SPPL2A: variants seen among roughly 807,000 people sequenced by gnomAD.
The protein encoded by SPPL2A is signal peptide peptidase like 2A.
Under a neutral mutation model 63.8 loss-of-function variants are expected in SPPL2A, and 51 were observed. The observed-to-expected ratio is 0.80, with a 90% CI of 0.64 to 1.01. The LOEUF (loss-of-function observed/expected upper bound fraction) is 1.01. SPPL2A is among the 50% of genes least tolerant of loss of function. The pLI, the probability that SPPL2A is intolerant of heterozygous loss-of-function variation, is 0.00. For synonymous variants in SPPL2A, 188 were observed against 205.8 expected (o/e 0.91, Z 0.74); for missense variants, 553 against 622.7 (o/e 0.89, Z 1.19).
At chr15:50,737,468 T>G (rs1007932159) in intron 6 of SPPL2A, among the ~76,000 whole-genome samples, 1 of 152,166 alleles carries the variant, frequency 6.6e-6, no homozygotes, top group African/African-American at 2.4e-5. Context: ...GAGTTTTTTT[T>G]TTGAGATGGA....
chr15:50,762,758 A>G (rs1427649571), intron 1 of SPPL2A, among the ~76,000 whole-genome samples: 2 of 137,206 alleles, frequency 1.5e-5, no homozygotes, highest in Non-Finnish European at 1.6e-5. Context: ...TTTGAGATGG[A>G]GTCTCGCTCT....
intron 13 of SPPL2A, among the ~76,000 whole-genome samples, chr15:50,721,170 A>C (rs2062643410): frequency 6.6e-6 from 1 of 151,978 alleles, no homozygotes; most frequent in Non-Finnish European, 1.5e-5. Context: ...AGTAGCTGGG[A>C]ATACAGGTGT....
chr15:50,749,819 A>G, intron 1 of SPPL2A, 73 bp from the exon 2 acceptor site: 1 of 873,798 alleles, frequency 1.1e-6, no homozygotes, highest in Non-Finnish European at 2.0e-6. Flanking sequence ...TAATAAAGCT[A>G]TTTATATGCA....
chr15:50,706,590 C>T lies in SPPL2A; in HGVS notation c.*1210G>A, dbSNP rs2062511520. 1 of 151,172 alleles carries T rather than the reference C, an allele frequency of 6.6e-6. No individual in the cohort carries two copies. The highest frequency in any genetic ancestry group is 1.5e-5 in the Non-Finnish European group (1 of 67,844). The allele number at this position is 151,172 out of a possible 1,614,324, so 9.4% of individuals were successfully genotyped here. On this transcript the variant is annotated 3_prime_UTR_variant, in exon 15 of 15. Transcript: ENST00000261854. ...CATTACCTATGGGAAAAGGGGTGGG[C>T]ATCAGGAAGAAAAAAAGATAACGGG... is the stretch of plus-strand genomic sequence containing the variant.
At chr15:50,710,846 T>G (rs2062550496) in intron 14 of SPPL2A, among the ~76,000 whole-genome samples, 1 of 152,200 alleles carries the variant, frequency 6.6e-6, no homozygotes, top group Non-Finnish European at 1.5e-5. Context: ...GTTTACTGGG[T>G]ATCACAAACT....
At position 50,749,436 on chromosome 15, in the gene SPPL2A, T is replaced by C. The variant is rs184089705; in HGVS notation, c.177+200A>G. 2.8e-3 allele frequency among the ~76,000 whole-genome samples: 428 copies of C among 152,158 alleles called. 2 individuals are homozygous for C. Among genetic ancestry groups the C allele is most frequent in the African/African-American group, 5.8e-3 (242 of 41,530 alleles). On this transcript the variant is annotated intron_variant, in intron 2 of 14. Coordinates refer to ENST00000261854, the MANE Select transcript of SPPL2A (RefSeq NM_032802.4). ...CTGAGTAGCTGGGACTACAGGCGCC[T>C]GCCACCACACCCAGCTAATTTTTGT... is the stretch of plus-strand genomic sequence containing the variant.
intron 1 of SPPL2A, among the ~76,000 whole-genome samples, chr15:50,756,757 G>A (rs1359353178): frequency 6.6e-6 from 1 of 152,004 alleles, no homozygotes; most frequent in Non-Finnish European, 1.5e-5. Flanking sequence ...AAGGGATTTA[G>A]AAATAACATA....
At chr15:50,729,183 C>T (rs1320439246) in intron 10 of SPPL2A, among the ~76,000 whole-genome samples, 1 of 152,176 alleles carries the variant, frequency 6.6e-6, no homozygotes, top group Non-Finnish European at 1.5e-5. Context: ...GAACTCCTGA[C>T]CTCAAGTGAT....
chr15:50,736,002 T>C (rs1596387155), intron 8 of SPPL2A, 99 bp downstream of exon 8: 3 of 740,244 alleles, frequency 4.1e-6, no homozygotes, highest in East Asian at 5.2e-5. Context: ...TGTTCTGGCA[T>C]AGAAGCAAAA....
intron 1 of SPPL2A, among the ~76,000 whole-genome samples, chr15:50,760,429 T>C (rs1438420256): frequency 6.6e-6 from 1 of 152,098 alleles, no homozygotes; most frequent in Non-Finnish European, 1.5e-5. Context: ...CCCAGCTAAT[T>C]TGTGTATTTT....
chr15:50,714,759 A>G (rs1427327805), intron 14 of SPPL2A, among the ~76,000 whole-genome samples: 1 of 151,848 alleles, frequency 6.6e-6, no homozygotes, highest in Non-Finnish European at 1.5e-5. Context: ...CCTGGCTAAC[A>G]TGGCGAAATA....
rs1253832619 is a variant in SPPL2A, at chr15:50,703,246, T to C, written c.*4554A>G. The stretch of plus-strand genomic sequence containing the variant: ...CATTCAATTGTAGACTGAAGTACAG[T>C]TTTTGTTTTTGAAATTTCATTGGTT... On this transcript the variant is annotated 3_prime_UTR_variant, in exon 15 of 15. Transcript: ENST00000261854. 6.7e-6 allele frequency: 1 copy of C among 148,862 alleles called. No individual in the cohort carries two copies. Among genetic ancestry groups the C allele is most frequent in the Non-Finnish European group, 1.5e-5 (1 of 67,456 alleles). 9.2% of individuals were successfully genotyped at this position (148,862 alleles called of 1,614,324 possible). A position where few individuals can be genotyped will look rare whatever the true frequency, so the allele number is the denominator to read the frequency against.
chr15:50,759,418 T>A (rs1364763933), intron 1 of SPPL2A, among the ~76,000 whole-genome samples: 2 of 152,066 alleles, frequency 1.3e-5, no homozygotes, highest in African/African-American at 4.8e-5. Context: ...CTGTCTCTAT[T>A]AAAACATATA....
chr15:50,765,413 T>C, intron 1 of SPPL2A, 55 bp downstream of exon 1: 1 of 1,402,196 alleles, frequency 7.1e-7, no homozygotes, highest in Non-Finnish European at 9.5e-7. Flanking sequence ...GCCCCGGCCT[T>C]GGCCCCGGCC....
chr15:50,725,239 CA>C lies in SPPL2A; in HGVS notation c.1230del (p.Phe410LeufsTer10). The C allele has an allele frequency of 1.3e-6, 2 of 1,593,460 alleles. No individual in the cohort carries two copies. Among genetic ancestry groups the C allele is most frequent in the South Asian group, 1.1e-5 (1 of 88,076 alleles). ...VCLMPVSILG[F>X]GDIIVPGLLI... ...TGCTTACCTGGTACAATAATGTCTC[CA>C]AAACCCAATATTGAAACAGGCATGA... is the stretch of plus-strand genomic sequence containing the variant. On this transcript the variant is annotated frameshift_variant, in exon 12 of 15. Coordinates refer to ENST00000261854, the MANE Select transcript of SPPL2A (RefSeq NM_032802.4). LOFTEE classifies it high-confidence loss of function.
chr15:50,764,383 A>G (rs2063039835), intron 1 of SPPL2A: 1 of 152,186 alleles, frequency 6.6e-6, no homozygotes, highest in South Asian at 2.1e-4. Context: ...TTTTAGATAC[A>G]TTCTCTCAGG....
chr15:50,739,731 C>A lies in SPPL2A; in HGVS notation c.682G>T (p.Val228Phe), dbSNP rs751547641. ...FSPLTVVIFV[V>F]ICCVMMVLLY... ...AAGACCATCATAACACAGCAGATGA[C>A]CACAAATATTACAACTGTAAGAGGA... The change falls in exon 6 of 15, where the codon GTC becomes TTC. Residue 228 changes from valine (V) to phenylalanine (F), a missense_variant. Transcript: ENST00000261854. 15 of 1,601,820 alleles carry A rather than the reference C, an allele frequency of 9.4e-6. No individual in the cohort carries two copies. The highest frequency in any genetic ancestry group is 1.1e-5 in the Non-Finnish European group (13 of 1,175,534).
intron 2 of SPPL2A, among the ~76,000 whole-genome samples, chr15:50,749,239 T>A (rs1187869382): frequency 1.3e-5 from 2 of 152,098 alleles, no homozygotes; most frequent in Non-Finnish European, 2.9e-5. Flanking sequence ...CATCTTGACA[T>A]CCCAAAGTGC....
intron 12 of SPPL2A, among the ~76,000 whole-genome samples, chr15:50,724,984 T>C (rs1226472486): frequency 1.3e-5 from 2 of 152,228 alleles, no homozygotes; most frequent in South Asian, 2.1e-4. Context: ...AAACTGATCC[T>C]AGTTGCTTTC....
Sources: allele counts gnomAD v4.1 joint callset (sites outside exome capture counted in the v4.1 genomes callset), GRCh38; gene constraint gnomAD v4.1.1; transcripts MANE v1.5; gene names NCBI Gene and HGNC (gene_info 2026-07-23, HGNC 2026-07-21).